Variants in DYRK1A observed in about 807,000 individuals in gnomAD.
DYRK1A encodes the protein dual specificity tyrosine phosphorylation regulated kinase 1A, also known as dual specificity tyrosine-phosphorylation-regulated kinase 1A.
A neutral mutation model predicts 79.7 loss-of-function variants in DYRK1A; 9 were observed. The ratio of observed to expected loss-of-function variants is 0.11; its 90% CI spans 0.07 to 0.20. The LOEUF (loss-of-function observed/expected upper bound fraction) is 0.20, where lower values mean the gene tolerates loss of function less well. Ranked by LOEUF, DYRK1A falls within the 10% of genes least tolerant of loss-of-function variation. The pLI is 1.00. For missense variants in DYRK1A, 622 were observed against 956.0 expected, an observed-to-expected ratio of 0.65 and a Z score of 4.61; for synonymous variants, 349 against 329.7, an observed-to-expected ratio of 1.06 and a Z score of -0.63.
At chr21:37,467,926 C>T (rs2052086575) in intron 2 of DYRK1A, among the ~76,000 whole-genome samples, 1 of 152,084 alleles carries the variant, frequency 6.6e-6, no homozygotes, top group South Asian at 2.1e-4. Context: ...TTCAGATGCT[C>T]ACTAGCCACA....
intron 2 of DYRK1A, among the ~76,000 whole-genome samples, chr21:37,431,899 C>G (rs1360026191): frequency 6.7e-6 from 1 of 150,188 alleles, no homozygotes; most frequent in African/African-American, 2.5e-5. Context: ...GAAATTGATA[C>G]AAAAATACTT....
intron 1 of DYRK1A, among the ~76,000 whole-genome samples, chr21:37,380,139 A>T (rs1338098054): frequency 6.6e-6 from 1 of 152,170 alleles, no homozygotes; most frequent in African/African-American, 2.4e-5. Context: ...GTTAATTTTG[A>T]CTTAAAAGTT....
intron 9 of DYRK1A, chr21:37,503,608 G>C (rs934929830): frequency 6.6e-6 from 1 of 152,130 alleles, no homozygotes; most frequent in Non-Finnish European, 1.5e-5. Flanking sequence ...TTTTTTGTAG[G>C]AACGGGGTCT....
chr21:37,487,673 G>A (rs1439914280), intron 6 of DYRK1A: 2 of 152,086 alleles, frequency 1.3e-5, no homozygotes, highest in Non-Finnish European at 2.9e-5. Context: ...CCCCAAAAAG[G>A]TAGAAACAAA....
chr21:37,469,646 C>T (rs1025005954), intron 2 of DYRK1A, among the ~76,000 whole-genome samples: 9 of 152,086 alleles, frequency 5.9e-5, no homozygotes, highest in African/African-American at 1.7e-4. Context: ...TCTTACATGG[C>T]CTGCAAAGTC....
intron 2 of DYRK1A, among the ~76,000 whole-genome samples, chr21:37,443,464 C>G (rs369399313): frequency 1.3e-5 from 2 of 152,172 alleles, no homozygotes; most frequent in East Asian, 3.9e-4. Flanking sequence ...TGTGAATTTT[C>G]ACTTTGTCGG....
chr21:37,428,409 G>A (rs373962068), intron 2 of DYRK1A, among the ~76,000 whole-genome samples: 194 of 152,258 alleles, frequency 1.3e-3, no homozygotes, highest in African/African-American at 4.6e-3. Flanking sequence ...AGTGTAATAT[G>A]TATCTCCTTT....
chr21:37,404,394 G>A (rs2050112115), intron 1 of DYRK1A, among the ~76,000 whole-genome samples: 1 of 152,122 alleles, frequency 6.6e-6, no homozygotes, highest in African/African-American at 2.4e-5. Flanking sequence ...TATCATTTTG[G>A]TTCTGGTCTC....
Position 37,512,174 on chromosome 21 carries a change from T to A in DYRK1A, c.1908T>A (p.Ser636=). ...CGAATAGCTCCTCTACCCAAGATTC[T>A]ATGGAGGTTGGCCACAGTCACCACT... The part of the protein sequence containing the change: ...SPTNSSSTQD[S]MEVGHSHHSM... Residue 636 remains serine (S), a synonymous_variant, in exon 12 of 12, where the codon TCT becomes TCA. Coordinates refer to ENST00000647188, the MANE Select transcript of DYRK1A (RefSeq NM_001347721.2). 6.2e-7 allele frequency: 1 copy of A among 1,614,218 alleles called. No individual in the cohort carries two copies. Among genetic ancestry groups the A allele is most frequent in the South Asian group, 1.1e-5 (1 of 91,088 alleles).
intron 2 of DYRK1A, among the ~76,000 whole-genome samples, chr21:37,439,913 T>G (rs961543431): frequency 6.6e-6 from 1 of 152,126 alleles, no homozygotes; most frequent in African/African-American, 2.4e-5. Flanking sequence ...TTCTTAATGT[T>G]AAACTGATAA....
intron 1 of DYRK1A, among the ~76,000 whole-genome samples, chr21:37,385,406 C>T (rs1187125714): frequency 6.6e-6 from 1 of 152,172 alleles, no homozygotes; most frequent in Non-Finnish European, 1.5e-5. Flanking sequence ...GGATTCTGTT[C>T]TTTGTACGCT....
intron 2 of DYRK1A, among the ~76,000 whole-genome samples, chr21:37,460,290 T>G (rs1273402440): frequency 6.6e-6 from 1 of 152,162 alleles, no homozygotes; most frequent in Non-Finnish European, 1.5e-5. Flanking sequence ...GCAGATTGAT[T>G]TGTCTGTGCT....
intron 10 of DYRK1A, 67 bp from the exon 11 acceptor site, chr21:37,506,032 G>C: frequency 6.5e-7 from 1 of 1,532,762 alleles, no homozygotes; most frequent in East Asian, 2.3e-5. Context: ...TATAGCTTCA[G>C]AGTATAAATT....
At chr21:37,401,291 TAGAA>T (rs899877017) in intron 1 of DYRK1A, among the ~76,000 whole-genome samples, 2 of 152,174 alleles carry the variant, frequency 1.3e-5, no homozygotes, top group African/African-American at 2.4e-5. Flanking sequence ...TGTTCACACT[TAGAA>T]AGGTGCCAGT....
At chr21:37,503,213 C>G (rs1402560162) in intron 9 of DYRK1A, 2 of 152,172 alleles carry the variant, frequency 1.3e-5, no homozygotes. Flanking sequence ...AATATTTGTT[C>G]TGCTTTCGTC....
intron 1 of DYRK1A, among the ~76,000 whole-genome samples, chr21:37,369,792 T>A (rs991328364): frequency 2.6e-5 from 4 of 152,252 alleles, no homozygotes; most frequent in African/African-American, 9.6e-5. Context: ...TAGTGAGATC[T>A]TTGTTTTGAG....
At chr21:37,505,228 A>G in intron 9 of DYRK1A, 55 bp from the exon 10 acceptor site, 8 of 1,340,726 alleles carry the variant, frequency 6.0e-6, no homozygotes, top group Middle Eastern at 1.9e-4. Context: ...CAATTATGTG[A>G]GTGTTTACGT....
At chr21:37,378,526 T>TC (rs1239035826) in intron 1 of DYRK1A, among the ~76,000 whole-genome samples, 1 of 152,166 alleles carries the variant, frequency 6.6e-6, no homozygotes, top group Non-Finnish European at 1.5e-5. Flanking sequence ...AGAGCGAAAC[T>TC]CCATCTCGAA....
At chr21:37,482,305 G>A (rs906659548) in intron 5 of DYRK1A, among the ~76,000 whole-genome samples, 1 of 152,094 alleles carries the variant, frequency 6.6e-6, no homozygotes, top group Non-Finnish European at 1.5e-5. Context: ...TTTTCCCTAA[G>A]CGTCGGCCGG....
Sources: gnomAD v4.1 joint callset for allele counts (sites outside exome capture counted in the v4.1 genomes callset) on GRCh38, gnomAD v4.1.1 for gene constraint, MANE v1.5 for transcripts, NCBI Gene and HGNC (gene_info 2026-07-23, HGNC 2026-07-21) for gene names.